Variants in RFWD3 observed in about 807,000 individuals in gnomAD.
The protein encoded by RFWD3 is E3 ubiquitin-protein ligase RFWD3.
Under a neutral mutation model 87.7 loss-of-function variants are expected in RFWD3, and 65 were observed. The ratio of observed to expected loss-of-function variants is 0.74; its 90% CI spans 0.61 to 0.91. The LOEUF is 0.91. Among genes scored for constraint, RFWD3 ranks in the 40% least tolerant of loss-of-function variants. The pLI, the probability that RFWD3 is intolerant of heterozygous loss-of-function variation, is 0.00. For synonymous variants in RFWD3, 433 were observed against 352.8 expected (o/e 1.23, Z -2.55); for missense variants, 1,078 against 938.5 (o/e 1.15, Z -1.94).
chr16:74,649,282 G>C (rs915853789), intron 3 of RFWD3, 80 bp from the exon 4 acceptor site: 2 of 1,002,816 alleles, frequency 2.0e-6, no homozygotes, highest in Non-Finnish European at 1.5e-6. Context: ...TAGCAGGAGA[G>C]AGCCTGACTC....
Position 74,644,544 on chromosome 16 carries a change from G to A in RFWD3, c.984C>T (p.Pro328=). 1 of 1,614,112 alleles carries A rather than the reference G, an allele frequency of 6.2e-7. No individual in the cohort carries two copies. Among genetic ancestry groups the A allele is most frequent in the Non-Finnish European group, 8.5e-7 (1 of 1,180,018 alleles). ...TWLKGQVRKC[P]QCNKKARHSD... The stretch of plus-strand genomic sequence containing the variant: ...TGTCCTTACCTATGGTCCTTACCTG[G>A]GGACATTTTCGTACTTGTCCTTTAA... Residue 328 remains proline, a synonymous_variant, in exon 5 of 13, where the codon CCC becomes CCT. Coordinates refer to ENST00000361070, the MANE Select transcript of RFWD3 (RefSeq NM_018124.4).
At chr16:74,630,474 T>A (rs149403255) in intron 10 of RFWD3, among the ~76,000 whole-genome samples, 98 of 152,324 alleles carry the variant, frequency 6.4e-4, no homozygotes, top group African/African-American at 2.1e-3. Flanking sequence ...AAAATACAAC[T>A]AAGGTCACAC....
chr16:74,645,554 T>C (rs565669773), intron 4 of RFWD3, among the ~76,000 whole-genome samples: 1 of 152,258 alleles, frequency 6.6e-6, no homozygotes, highest in South Asian at 2.1e-4. Context: ...GGTTTCACCA[T>C]GTTGGCCGGG....
Position 74,625,522 on chromosome 16 carries a change from A to AAAAAAAGGACAG in RFWD3, c.2181+820_2181+821insCTGTCCTTTTTT, listed in dbSNP as rs1476265052. Among the ~76,000 whole-genome samples the AAAAAAAGGACAG allele has an allele frequency of 1.8e-3, 277 of 151,708 alleles. 2 individuals are homozygous for AAAAAAAGGACAG. The highest frequency in any genetic ancestry group is 6.2e-3 in the African/African-American group (256 of 41,264). On this transcript the variant is annotated intron_variant, in intron 12 of 12. Coordinates refer to ENST00000361070, the MANE Select transcript of RFWD3 (RefSeq NM_018124.4). Reference sequence around the variant, plus strand: ...GAGCGAGACCGTCTCAAGAAAAAAAAAAAAAGGACAGACCAGGCGCAATGG... The same window carrying AAAAAAAGGACAG: ...GAGCGAGACCGTCTCAAGAAAAAAAAAAAAAAGGACAGAAAAAGGACAGACCAGGCGCAATGG...
intron 1 of RFWD3, among the ~76,000 whole-genome samples, chr16:74,665,841 G>T (rs1167883810): frequency 6.6e-6 from 1 of 151,872 alleles, no homozygotes; most frequent in African/African-American, 2.4e-5. Context: ...CGGCCTCCCG[G>T]GTTCAAGCGA....
intron 2 of RFWD3, among the ~76,000 whole-genome samples, chr16:74,657,746 T>C (rs1236213974): frequency 6.6e-6 from 1 of 152,178 alleles, no homozygotes; most frequent in African/African-American, 2.4e-5. Context: ...AATGCTGCGA[T>C]TACAGGTGTG....
chr16:74,643,325 G>A (rs1317055887), intron 6 of RFWD3, among the ~76,000 whole-genome samples: 1 of 152,064 alleles, frequency 6.6e-6, no homozygotes. Context: ...CTAATAACAT[G>A]CTTCCACAGG....
Position 74,642,866 on chromosome 16 carries a change from C to T in RFWD3, c.1079+1496G>A, listed in dbSNP as rs143700326. On this transcript the variant is annotated intron_variant, in intron 6 of 12. Transcript: ENST00000361070. ...TGATAAAATTGGGTAAAAGGCTGTT[C>T]GTTTTATTAGTCTGTATCGGCATTT... 4.4e-4 allele frequency among the ~76,000 whole-genome samples: 67 copies of T among 152,206 alleles called. No homozygotes were observed. The East Asian group carries it at 0.012, about 26-fold the overall frequency.
intron 9 of RFWD3, among the ~76,000 whole-genome samples, chr16:74,631,718 G>A (rs1242287296): frequency 6.6e-6 from 1 of 152,070 alleles, no homozygotes; most frequent in South Asian, 2.1e-4. Flanking sequence ...AACAGACCAG[G>A]ACCAGGAGTA....
In RFWD3 at chr16:74,654,326, C is replaced by T. The variant is rs556610745; in HGVS notation, c.519-2204G>A. Among the ~76,000 whole-genome samples, 22 of 152,032 alleles carry T rather than the reference C, an allele frequency of 1.4e-4. No individual in the cohort carries two copies. The East Asian group carries it at 3.1e-3, about 21-fold the overall frequency. ...CTATTTCATTTATTTATATGCTAAC[C>T]TTTATTATTTCTTTCTGTCTGCCTG... On this transcript the variant is annotated intron_variant, in intron 2 of 12. Coordinates refer to ENST00000361070, the MANE Select transcript of RFWD3 (RefSeq NM_018124.4).
intron 2 of RFWD3, 84 bp from the exon 3 acceptor site, chr16:74,652,206 ATCAC>A (rs1960624314): frequency 7.8e-7 from 1 of 1,277,636 alleles, no homozygotes; most frequent in Non-Finnish European, 1.1e-6. Flanking sequence ...AGTAAATCCT[ATCAC>A]TTCAACCCAT....
chr16:74,656,650 G>A (rs1302132437), intron 2 of RFWD3, among the ~76,000 whole-genome samples: 2 of 152,064 alleles, frequency 1.3e-5, no homozygotes, highest in Non-Finnish European at 2.9e-5. Flanking sequence ...TAGAGACAAG[G>A]TTTCAACATG....
chr16:74,625,027 AT>A (rs1341528916), intron 12 of RFWD3, among the ~76,000 whole-genome samples: 1 of 151,970 alleles, frequency 6.6e-6, no homozygotes, highest in African/African-American at 2.4e-5. Flanking sequence ...AATGAAAAAT[AT>A]TTTGAAGTAT....
At chr16:74,657,694 G>A (rs1214035678) in intron 2 of RFWD3, among the ~76,000 whole-genome samples, 4 of 152,072 alleles carry the variant, frequency 2.6e-5, no homozygotes, top group East Asian at 1.9e-4. Flanking sequence ...GGCTGGTCTC[G>A]AACTCGTGAC....
intron 6 of RFWD3, among the ~76,000 whole-genome samples, chr16:74,642,477 T>C (rs534278069): frequency 1.3e-5 from 2 of 151,982 alleles, no homozygotes; most frequent in South Asian, 4.2e-4. Flanking sequence ...CTTTCCTTTT[T>C]TTCCTTCTTG....
At chr16:74,655,115 C>A (rs186066800) in intron 2 of RFWD3, among the ~76,000 whole-genome samples, 1 of 151,662 alleles carries the variant, frequency 6.6e-6, no homozygotes, top group Non-Finnish European at 1.5e-5. Flanking sequence ...ATGAAACACC[C>A]CTCTATTGGA....
intron 11 of RFWD3, 94 bp downstream of exon 11, chr16:74,628,358 C>T: frequency 8.4e-7 from 1 of 1,194,452 alleles, no homozygotes; most frequent in Non-Finnish European, 1.2e-6. Context: ...GTGAGCGGTA[C>T]CACAGCCACC....
Position 74,624,036 on chromosome 16 carries a change from G to A in RFWD3, c.2217C>T (p.Asp739=), listed in dbSNP as rs1958845917. Residue 739 remains aspartate, a synonymous_variant, in exon 13 of 13, where the codon GAC becomes GAT. Coordinates refer to ENST00000361070, the MANE Select transcript of RFWD3 (RefSeq NM_018124.4). ...WDAASGSLLQ[D]LQTDQPVLDI... ...CCAACACAGGCTGATCGGTCTGTAGGTCCTGGAGCAACGAGCCACTGGCAG... is the reference window on the plus strand; with the variant it reads ...CCAACACAGGCTGATCGGTCTGTAGATCCTGGAGCAACGAGCCACTGGCAG... 6.2e-7 allele frequency: 1 copy of A among 1,613,944 alleles called. No homozygotes were observed. The highest frequency in any genetic ancestry group is 8.5e-7 in the Non-Finnish European group (1 of 1,179,984).
chr16:74,654,681 T>A (rs186485884), intron 2 of RFWD3, among the ~76,000 whole-genome samples: 2 of 152,176 alleles, frequency 1.3e-5, no homozygotes, highest in African/African-American at 4.8e-5. Context: ...AAAGCTGGGA[T>A]AGGCCAGAAG....
Sources: allele counts gnomAD v4.1 joint callset (sites outside exome capture counted in the v4.1 genomes callset), GRCh38; gene constraint gnomAD v4.1.1; transcripts MANE v1.5; gene names NCBI Gene and HGNC (gene_info 2026-07-23, HGNC 2026-07-21).